BET1: variants seen among roughly 807,000 people sequenced by gnomAD.
BET1 encodes BET1 homolog.
BET1 carries 9 observed loss-of-function variants against 13.9 expected under a neutral mutation model. The observed-to-expected ratio is 0.65, with a 90% CI of 0.39 to 1.13. The LOEUF (loss-of-function observed/expected upper bound fraction) is 1.13. Among genes scored for constraint, BET1 ranks in the 50% most tolerant of loss-of-function variants. The pLI is 0.01. For missense variants in BET1, 127 were observed against 133.6 expected, an observed-to-expected ratio of 0.95 and a Z score of 0.24; for synonymous variants, 39 against 47.3, an observed-to-expected ratio of 0.82 and a Z score of 0.72.
intron 5 of BET1, among the ~76,000 whole-genome samples, chr7:93,972,843 C>CT (rs879404905): frequency 1.2e-3 from 172 of 144,510 alleles, no homozygotes; most frequent in Middle Eastern, 3.6e-3. Context: ...TCACTCGTAT[C>CT]TTTTTTTTTT....
intron 4 of BET1, among the ~76,000 whole-genome samples, chr7:93,980,853 T>C (rs1230765119): frequency 2.6e-5 from 4 of 152,160 alleles, no homozygotes. Context: ...TGTGATCTTA[T>C]ATATGTTGGA....
chr7:93,975,003 A>T (rs951551497), intron 5 of BET1, among the ~76,000 whole-genome samples: 1 of 152,016 alleles, frequency 6.6e-6, no homozygotes, highest in East Asian at 1.9e-4. Flanking sequence ...CCAAAAATGC[A>T]TAATCTCAAT....
chr7:93,971,142 A>G (rs956526885), intron 6 of BET1, among the ~76,000 whole-genome samples: 35 of 151,982 alleles, frequency 2.3e-4, no homozygotes, highest in African/African-American at 8.4e-4. Flanking sequence ...ATTAAAATAT[A>G]TACTGTATAT....
downstream of BET1, among the ~76,000 whole-genome samples, chr7:93,990,102 A>G (rs902154274): frequency 2.6e-5 from 4 of 151,866 alleles, no homozygotes; most frequent in Non-Finnish European, 5.9e-5. Flanking sequence ...TAAGTTAAAT[A>G]TAAATATATA....
At chr7:93,976,167 A>G in intron 4 of BET1, 1 of 1,050,622 alleles carries the variant, frequency 9.5e-7, no homozygotes. Context: ...CAACATTTAA[A>G]GTAGAAGTAA....
intron 1 of BET1, 96 bp downstream of exon 1, chr7:94,004,102 C>A: frequency 6.3e-7 from 1 of 1,576,372 alleles, no homozygotes; most frequent in Non-Finnish European, 8.7e-7. Flanking sequence ...TTTTTTGGAC[C>A]AAATGCCAGG....
At chr7:93,968,079 T>A (rs1379580288) in intron 6 of BET1, among the ~76,000 whole-genome samples, 2 of 151,836 alleles carry the variant, frequency 1.3e-5, no homozygotes, top group African/African-American at 4.8e-5. Flanking sequence ...ATGAGCTCAC[T>A]TCCTCCATAC....
chr7:93,978,960 T>G (rs1048769163), intron 4 of BET1, among the ~76,000 whole-genome samples: 2 of 152,206 alleles, frequency 1.3e-5, no homozygotes, highest in African/African-American at 4.8e-5. Flanking sequence ...TACTGTCTTC[T>G]CGTGTCTACC....
At chr7:94,002,450 C>CT (rs1338686067) in intron 1 of BET1, among the ~76,000 whole-genome samples, 8 of 97,256 alleles carry the variant, frequency 8.2e-5, no homozygotes, top group African/African-American at 4.2e-4. Context: ...CACAGAAGAG[C>CT]TTTTTTTTAA....
Position 93,999,147 on chromosome 7 carries a change from TATA to T in BET1, c.144+20_144+22del. On this transcript the variant is annotated intron_variant, in intron 2 of 3. Coordinates refer to ENST00000222547, the MANE Select transcript of BET1 (RefSeq NM_005868.6). ...ATAGAAATATATGAATTAAAACACA[TATA>T]ATATTTGTTATATACTTACAGATTT... is the stretch of plus-strand genomic sequence containing the variant. 6.5e-7 allele frequency: 1 copy of T among 1,532,860 alleles called. No homozygotes were observed. The highest frequency in any genetic ancestry group is 8.9e-7 in the Non-Finnish European group (1 of 1,120,690). The allele number at this position is 1,532,860 out of a possible 1,614,324, so 95.0% of individuals were successfully genotyped here. A position where few individuals can be genotyped will look rare whatever the true frequency, so the allele number is the denominator to read the frequency against.
At position 93,979,621 on chromosome 7, in the gene BET1, C is replaced by T. The variant is rs561109019; in HGVS notation, c.236-3521G>A. The stretch of plus-strand genomic sequence containing the variant: ...TCCTGCACTCCAGCAAGCATGAGAC[C>T]GGCACATTGAAGCCAGTAAGAAAAT... On this transcript the variant is annotated intron_variant and NMD_transcript_variant, in intron 4 of 6. Coordinates refer to the BET1 transcript ENST00000357520. Among the ~76,000 whole-genome samples the T allele has an allele frequency of 9.9e-5, 15 of 152,002 alleles. No homozygotes were observed. The East Asian group carries it at 1.8e-3, about 18-fold the overall frequency.
chr7:93,987,187 A>G (rs1259029955), intron 4 of BET1: 1 of 152,060 alleles, frequency 6.6e-6, no homozygotes, highest in East Asian at 1.9e-4. Context: ...CTTGGGTCAG[A>G]GATACTGATA....
At position 93,996,273 on chromosome 7, in the gene BET1, C is replaced by T; in HGVS notation, c.193G>A (p.Ala65Thr). 6.3e-7 allele frequency: 1 copy of T among 1,575,056 alleles called. No homozygotes were observed. Among genetic ancestry groups the T allele is most frequent in the Non-Finnish European group, 8.7e-7 (1 of 1,156,018 alleles). ...AAATCATAACCACTTACCATTTCAG[C>T]TAATAATTTATTCTGGGTTTTAACT... is the stretch of plus-strand genomic sequence containing the variant. ...HEVKTQNKLL[A>T]EMDSQFDSTT... Residue 65 changes from alanine to threonine, a missense_variant, in exon 3 of 4, where the codon GCT becomes ACT. Physicochemically the swap from Ala to Thr is moderately conservative, Grantham distance 58. Transcript: ENST00000222547.
exon 7 of BET1, chr7:93,964,521 G>A (rs1461237077): frequency 6.6e-6 from 1 of 151,956 alleles, no homozygotes; most frequent in Non-Finnish European, 1.5e-5. Flanking sequence ...ACTGTTGAAG[G>A]GCACCCCAGT....
At chr7:93,967,206 A>G (rs1217384553) in intron 6 of BET1, among the ~76,000 whole-genome samples, 1 of 151,826 alleles carries the variant, frequency 6.6e-6, no homozygotes, top group Admixed American at 6.6e-5. Flanking sequence ...AATGCTTTAG[A>G]TTTCCATCCC....
chr7:93,976,208 G>GAAGAGTTACAGAAAAA (rs1435568301), intron 4 of BET1: 22 of 816,726 alleles, frequency 2.7e-5, no homozygotes, highest in Middle Eastern at 8.7e-4. Context: ...CAGAAAAACT[G>GAAGAGTTACAGAAAAA]AGCAGGTATT....
intron 1 of BET1, among the ~76,000 whole-genome samples, chr7:94,002,972 G>A (rs1297754313): frequency 1.3e-5 from 2 of 152,140 alleles, no homozygotes; most frequent in African/African-American, 2.4e-5. Flanking sequence ...GTATTTGGAT[G>A]TATAGCGACA....
At chr7:93,970,660 T>C (rs1398426665) in intron 6 of BET1, among the ~76,000 whole-genome samples, 1 of 151,734 alleles carries the variant, frequency 6.6e-6, no homozygotes, top group East Asian at 1.9e-4. Flanking sequence ...TAGTAAACAG[T>C]TTAAAAATAT....
chr7:93,981,640 A>C (rs1480755054), intron 4 of BET1, among the ~76,000 whole-genome samples: 2 of 152,188 alleles, frequency 1.3e-5, no homozygotes, highest in Non-Finnish European at 2.9e-5. Flanking sequence ...CCAGAAGGGC[A>C]ATTCCTGGAA....
Sources: gnomAD v4.1 joint callset for allele counts (sites outside exome capture counted in the v4.1 genomes callset) on GRCh38, gnomAD v4.1.1 for gene constraint, MANE v1.5 for transcripts, NCBI Gene and HGNC (gene_info 2026-07-23, HGNC 2026-07-21) for gene names.